Variants in WIPF1 observed in about 807,000 individuals in gnomAD.
WIPF1 encodes the protein WAS/WASL-interacting protein family member 1.
A neutral mutation model predicts 35.4 loss-of-function variants in WIPF1; 13 were observed. That is an observed-to-expected ratio of 0.37 (90% confidence interval 0.24 to 0.58). WIPF1 has a LOEUF of 0.58. Among genes scored for constraint, WIPF1 ranks in the 20% least tolerant of loss-of-function variants. The pLI is 0.74. For synonymous variants in WIPF1, 267 were observed against 266.3 expected, an observed-to-expected ratio of 1.00 and a Z score of -0.02; for missense variants, 591 against 667.0, an observed-to-expected ratio of 0.89 and a Z score of 1.25.
At chr2:174,667,188 G>A (rs973039699) in intron 1 of WIPF1, among the ~76,000 whole-genome samples, 3 of 152,246 alleles carry the variant, frequency 2.0e-5, no homozygotes, top group Non-Finnish European at 2.9e-5. Context: ...CCCGAAGGGA[G>A]GGAAGGAATA....
At chr2:174,681,805 T>C (rs1377610618) in intron 1 of WIPF1, among the ~76,000 whole-genome samples, 1 of 152,078 alleles carries the variant, frequency 6.6e-6, no homozygotes, top group Non-Finnish European at 1.5e-5. Context: ...GAGAACTCAA[T>C]AAGGCCAGGA....
At chr2:174,575,508 A>G (rs932483492) in intron 3 of WIPF1, 128 bp from the exon 4 acceptor site, 1 of 1,439,790 alleles carries the variant, frequency 6.9e-7, no homozygotes, top group Admixed American at 2.5e-5. Context: ...TCTTCATTAA[A>G]ATGCAGGATT....
At chr2:174,646,518 C>T (rs188417307) in intron 1 of WIPF1, among the ~76,000 whole-genome samples, 184 of 152,202 alleles carry the variant, frequency 1.2e-3, no homozygotes, top group Middle Eastern at 3.4e-3. Flanking sequence ...GCCACTGCAG[C>T]GCATAAACGG....
upstream of WIPF1, among the ~76,000 whole-genome samples, chr2:174,600,752 C>T (rs1685975150): frequency 6.6e-6 from 1 of 152,126 alleles, no homozygotes; most frequent in African/African-American, 2.4e-5. Flanking sequence ...TCTATGAGAG[C>T]AGGGACCTTG....
intron 1 of WIPF1, among the ~76,000 whole-genome samples, chr2:174,603,936 T>C (rs1166202864): frequency 6.6e-6 from 1 of 152,176 alleles, no homozygotes; most frequent in Non-Finnish European, 1.5e-5. Context: ...ATTTGAAAGA[T>C]ATTTATTTAC....
At chr2:174,663,110 G>C (rs992400589) in intron 1 of WIPF1, among the ~76,000 whole-genome samples, 1 of 152,182 alleles carries the variant, frequency 6.6e-6, no homozygotes, top group African/African-American at 2.4e-5. Flanking sequence ...GGAGTGAAGA[G>C]AGGGTGGGAG....
intron 1 of WIPF1, among the ~76,000 whole-genome samples, chr2:174,679,442 T>C (rs910180539): frequency 6.7e-6 from 1 of 149,874 alleles, no homozygotes; most frequent in Non-Finnish European, 1.5e-5. Flanking sequence ...CACTCCAGCC[T>C]GAGCAACAGA....
chr2:174,652,813 A>C (rs1030445805), intron 1 of WIPF1, among the ~76,000 whole-genome samples: 1 of 152,010 alleles, frequency 6.6e-6, no homozygotes, highest in Non-Finnish European at 1.5e-5. Context: ...AAAAACAAAA[A>C]AAAACTTCAT....
At position 174,667,518 on chromosome 2, in the gene WIPF1, C is replaced by G. The variant is rs1289870947; in HGVS notation, c.-39+15256G>C. ...TGTCTCTATCTGATAAAGAGCTGAT[C>G]TCCTCTCCAGTCTTGCCTGTGAGGA... On this transcript the variant is annotated intron_variant, in intron 1 of 8. Transcript: ENST00000272746. Among the ~76,000 whole-genome samples, 3 of 152,174 alleles carry G rather than the reference C, an allele frequency of 2.0e-5. No homozygotes were observed. The East Asian group carries it at 5.8e-4, about 29-fold the overall frequency.
At chr2:174,568,275 T>C (rs1370065473) in intron 5 of WIPF1, among the ~76,000 whole-genome samples, 1 of 152,128 alleles carries the variant, frequency 6.6e-6, no homozygotes, top group African/African-American at 2.4e-5. Flanking sequence ...GCAAAACAAG[T>C]GCATACTGAT....
At chr2:174,681,411 G>A (rs1480838371) in intron 1 of WIPF1, among the ~76,000 whole-genome samples, 1 of 152,186 alleles carries the variant, frequency 6.6e-6, no homozygotes, top group Non-Finnish European at 1.5e-5. Context: ...GCAGAGTGCT[G>A]ATAGCCTATC....
At chr2:174,566,963 G>T in intron 7 of WIPF1, 107 bp downstream of exon 7, 1 of 1,021,304 alleles carries the variant, frequency 9.8e-7, no homozygotes, top group Non-Finnish European at 1.5e-6. Context: ...GGCTCCAAAG[G>T]GTTCTCTACC....
chr2:174,653,565 T>A (rs1335536457), intron 1 of WIPF1, among the ~76,000 whole-genome samples: 2 of 150,816 alleles, frequency 1.3e-5, no homozygotes, highest in Non-Finnish European at 3.0e-5. Flanking sequence ...GAAACACCCA[T>A]CTCTACTAAA....
At chr2:174,616,478 C>T (rs964688121) in intron 1 of WIPF1, among the ~76,000 whole-genome samples, 3 of 152,078 alleles carry the variant, frequency 2.0e-5, no homozygotes, top group African/African-American at 7.2e-5. Context: ...CACATGGTTT[C>T]TCCCCTGCTG....
intron 1 of WIPF1, among the ~76,000 whole-genome samples, chr2:174,628,227 G>A (rs566342103): frequency 2.0e-5 from 3 of 152,328 alleles, no homozygotes; most frequent in Admixed American, 2.0e-4. Flanking sequence ...TACCCAGGAA[G>A]TTGACTTAGC....
At chr2:174,610,871 C>T (rs1397223298) in intron 1 of WIPF1, among the ~76,000 whole-genome samples, 2 of 152,192 alleles carry the variant, frequency 1.3e-5, no homozygotes, top group Non-Finnish European at 2.9e-5. Flanking sequence ...CCTGCAGTCA[C>T]TGACCTTTTC....
intron 1 of WIPF1, among the ~76,000 whole-genome samples, chr2:174,669,611 G>A (rs190378771): frequency 4.5e-4 from 69 of 152,360 alleles, no homozygotes; most frequent in African/African-American, 1.6e-3. Flanking sequence ...GCTGGGCGCC[G>A]TGGCTCACGC....
At chr2:174,567,780 C>G in intron 6 of WIPF1, 81 bp downstream of exon 6, 1 of 1,447,732 alleles carries the variant, frequency 6.9e-7, no homozygotes, top group Non-Finnish European at 9.3e-7. Context: ...AAATTAAACG[C>G]AAACAAGCAA....
intron 1 of WIPF1, among the ~76,000 whole-genome samples, chr2:174,664,764 C>T (rs1156710886): frequency 2.0e-5 from 3 of 152,228 alleles, no homozygotes; most frequent in Admixed American, 6.5e-5. Flanking sequence ...AGTTCTGCTA[C>T]ATAACCTGAA....
Sources: gnomAD v4.1 joint callset for allele counts (sites outside exome capture counted in the v4.1 genomes callset) on GRCh38, gnomAD v4.1.1 for gene constraint, MANE v1.5 for transcripts, NCBI Gene and HGNC (gene_info 2026-07-23, HGNC 2026-07-21) for gene names.